The following CLVS2 variants were observed in gnomAD, a reference collection of about 807,000 sequenced individuals.
The protein encoded by CLVS2 is clavesin 2.
CLVS2 carries 19 observed loss-of-function variants against 29.0 expected under a neutral mutation model. The observed-to-expected ratio is 0.66, with a 90% CI of 0.46 to 0.96. The LOEUF is 0.96. Among genes scored for constraint, CLVS2 ranks in the 40% least tolerant of loss-of-function variants. The pLI is 0.00. For synonymous variants in CLVS2, 161 were observed against 151.3 expected, an observed-to-expected ratio of 1.06 and a Z score of -0.47; for missense variants, 294 against 404.1, an observed-to-expected ratio of 0.73 and a Z score of 2.34.
intron 3 of CLVS2, among the ~76,000 whole-genome samples, chr6:123,022,458 G>T (rs529123592): frequency 2.6e-5 from 4 of 151,988 alleles, no homozygotes; most frequent in Admixed American, 1.3e-4. Flanking sequence ...TGATAAAAAT[G>T]AAGGTCAGTA....
intron 3 of CLVS2, among the ~76,000 whole-genome samples, chr6:123,044,975 G>A (rs1772463407): frequency 6.6e-6 from 1 of 152,130 alleles, no homozygotes; most frequent in Non-Finnish European, 1.5e-5. Flanking sequence ...TGGTAACCCT[G>A]TATCTAGAGG....
intron 3 of CLVS2, among the ~76,000 whole-genome samples, chr6:123,036,842 A>C (rs1775161019): frequency 6.6e-6 from 1 of 152,138 alleles, no homozygotes; most frequent in African/African-American, 2.4e-5. Flanking sequence ...CACAGTTCTG[A>C]AAGGAGGTGG....
chr6:123,048,839 A>G, intron 4 of CLVS2, 107 bp downstream of exon 4: 1 of 711,206 alleles, frequency 1.4e-6, no homozygotes. Context: ...TCTACATTGT[A>G]TAGAAATCAA....
chr6:123,000,480 C>CA (rs1774575317), intron 2 of CLVS2, among the ~76,000 whole-genome samples: 1 of 152,192 alleles, frequency 6.6e-6, no homozygotes, highest in Non-Finnish European at 1.5e-5. Flanking sequence ...CTCTGAAACT[C>CA]AAAGGACAGC....
intron 3 of CLVS2, among the ~76,000 whole-genome samples, chr6:123,023,488 C>T (rs539473025): frequency 6.6e-6 from 1 of 152,066 alleles, no homozygotes; most frequent in African/African-American, 2.4e-5. Flanking sequence ...GGAGGCTTCC[C>T]ATAAGGTTAT....
At chr6:123,037,780 C>A (rs896541190) in intron 3 of CLVS2, among the ~76,000 whole-genome samples, 3 of 152,046 alleles carry the variant, frequency 2.0e-5, no homozygotes, top group African/African-American at 2.4e-5. Flanking sequence ...CTTGCTACTG[C>A]TGTTTTTTCT....
chr6:123,057,176 A>G (rs1772704080), intron 5 of CLVS2, among the ~76,000 whole-genome samples: 1 of 152,118 alleles, frequency 6.6e-6, no homozygotes, highest in Non-Finnish European at 1.5e-5. Flanking sequence ...TGGGCACCGT[A>G]GCCCCTGCAA....
intron 4 of CLVS2, among the ~76,000 whole-genome samples, chr6:123,051,650 C>G (rs546652373): frequency 2.0e-5 from 3 of 152,316 alleles, no homozygotes; most frequent in African/African-American, 7.2e-5. Context: ...TTGTCTTCTA[C>G]TCCTTGTTGA....
chr6:123,013,034 T>C (rs763170767), intron 3 of CLVS2, among the ~76,000 whole-genome samples: 1 of 152,054 alleles, frequency 6.6e-6, no homozygotes, highest in Non-Finnish European at 1.5e-5. Context: ...GTCTACTCTA[T>C]GTATATCTAA....
intron 2 of CLVS2, among the ~76,000 whole-genome samples, chr6:123,001,680 A>C (rs1774591023): frequency 6.6e-6 from 1 of 152,194 alleles, no homozygotes; most frequent in Non-Finnish European, 1.5e-5. Context: ...AATGGTAGTG[A>C]CCTGCTTAGG....
chr6:123,033,270 A>G (rs977900003), intron 3 of CLVS2, among the ~76,000 whole-genome samples: 1 of 152,112 alleles, frequency 6.6e-6, no homozygotes, highest in Non-Finnish European at 1.5e-5. Flanking sequence ...TTTAATGTAC[A>G]TAGTGAAAAG....
In CLVS2 at chr6:122,997,723, G is replaced by T. The variant is rs184063088; in HGVS notation, c.-55G>T. ...TCTGGTGGTGGCAAGGACCAGGTTT[G>T]CTTTGGGACAGTCAACAAGGTCTTC... is the stretch of plus-strand genomic sequence containing the variant. On this transcript the variant is annotated 5_prime_UTR_variant, in exon 2 of 6. Coordinates refer to ENST00000275162, the MANE Select transcript of CLVS2 (RefSeq NM_001010852.4). 6.3e-6 allele frequency: 10 copies of T among 1,576,310 alleles called. No individual in the cohort carries two copies. In the Admixed American group the frequency reaches 1.7e-4, roughly 27 times the overall value.
chr6:123,018,668 CTT>C (rs5879660), intron 3 of CLVS2, among the ~76,000 whole-genome samples: 38,481 of 138,292 alleles, frequency 0.28, 6,098 homozygotes, highest in East Asian at 0.68. Context: ...TTCTGAATAG[CTT>C]TTTTTTTTTT....
intron 2 of CLVS2, among the ~76,000 whole-genome samples, chr6:123,007,245 C>G (rs1774682249): frequency 6.6e-6 from 1 of 151,968 alleles, no homozygotes; most frequent in African/African-American, 2.4e-5. Flanking sequence ...TATGTGCTAC[C>G]CATTGGGCTA....
At chr6:123,025,947 G>T (rs1774994444) in intron 3 of CLVS2, among the ~76,000 whole-genome samples, 1 of 151,978 alleles carries the variant, frequency 6.6e-6, no homozygotes, top group Admixed American at 6.6e-5. Flanking sequence ...CCTAGGAAAT[G>T]CCACTTAAAA....
At chr6:123,055,746 T>G (rs77109261) in intron 4 of CLVS2, 60 bp from the exon 5 acceptor site, 15,857 of 1,201,376 alleles carry the variant, frequency 0.013, 120 homozygotes, top group Non-Finnish European at 0.018. Flanking sequence ...CCTGTAGGAT[T>G]TAGATGGTAT....
chr6:123,016,915 A>C (rs1404082359), intron 3 of CLVS2, among the ~76,000 whole-genome samples: 1 of 152,088 alleles, frequency 6.6e-6, no homozygotes, highest in Non-Finnish European at 1.5e-5. Context: ...TTGGAAGCCC[A>C]GTCCTACCTA....
In CLVS2 at chr6:123,066,844, AG is replaced by A. The variant is rs1198492645; in HGVS notation, c.*3084del. The stretch of plus-strand genomic sequence containing the variant: ...TAGGTGAAATATAGATATCATTTGA[AG>A]AAGGATATTTAAGGCCTTTATTTGA... On this transcript the variant is annotated 3_prime_UTR_variant, in exon 6 of 6. Coordinates refer to ENST00000275162, the MANE Select transcript of CLVS2 (RefSeq NM_001010852.4). 1 of 151,680 alleles carries A rather than the reference AG, an allele frequency of 6.6e-6. No homozygotes were observed. The highest frequency in any genetic ancestry group is 2.4e-5 in the African/African-American group (1 of 41,374). The allele number at this position is 151,680 out of a possible 1,614,324, so 9.4% of individuals were successfully genotyped here.
At chr6:123,026,180 T>C (rs1399223202) in intron 3 of CLVS2, among the ~76,000 whole-genome samples, 2 of 152,138 alleles carry the variant, frequency 1.3e-5, no homozygotes, top group Admixed American at 1.3e-4. Flanking sequence ...TATAAACAAA[T>C]GTAAAATATT....
Sources: gnomAD v4.1 joint callset for allele counts (sites outside exome capture counted in the v4.1 genomes callset) on GRCh38, gnomAD v4.1.1 for gene constraint, MANE v1.5 for transcripts, NCBI Gene and HGNC (gene_info 2026-07-23, HGNC 2026-07-21) for gene names.